OTUD7A: variants seen among roughly 807,000 people sequenced by gnomAD.
The protein encoded by OTUD7A is OTU deubiquitinase 7A, also known as OTU domain-containing protein 7A.
In OTUD7A, 12 loss-of-function variants were observed where a neutral mutation model predicts 65.7. That is an observed-to-expected ratio of 0.18 (90% CI 0.12 to 0.30). The LOEUF (loss-of-function observed/expected upper bound fraction) is 0.30, where lower values mean the gene tolerates loss of function less well. Ranked by LOEUF, OTUD7A falls within the 10% of genes least tolerant of loss-of-function variation. The probability of loss-of-function intolerance (pLI) is 1.00; values close to 1 mark genes in which losing one functional copy is unlikely to be tolerated. For synonymous variants in OTUD7A, 641 were observed against 586.3 expected (o/e 1.09, Z -1.35); for missense variants, 1,148 against 1,304.8 (o/e 0.88, Z 1.85).
intron 1 of OTUD7A, among the ~76,000 whole-genome samples, chr15:31,704,707 A>G (rs995843124): frequency 5.9e-5 from 9 of 152,110 alleles, no homozygotes; most frequent in African/African-American, 1.7e-4. Context: ...AAGAAAATGA[A>G]GTCAGACCCT....
chr15:31,802,268 G>A (rs1896153750), intron 1 of OTUD7A, among the ~76,000 whole-genome samples: 1 of 151,982 alleles, frequency 6.6e-6, no homozygotes, highest in Admixed American at 6.6e-5. Flanking sequence ...GAAGAACTTG[G>A]GAGTCCAGTG....
At chr15:31,811,842 C>T (rs1007587408) in intron 1 of OTUD7A, among the ~76,000 whole-genome samples, 2 of 152,218 alleles carry the variant, frequency 1.3e-5, no homozygotes, top group African/African-American at 4.8e-5. Context: ...GGGCAACCTG[C>T]TTTTTCCTAT....
intron 1 of OTUD7A, among the ~76,000 whole-genome samples, chr15:31,803,310 TA>T (rs992997920): frequency 2.5e-4 from 38 of 152,090 alleles, no homozygotes; most frequent in East Asian, 3.9e-4. Context: ...TCAACAACCT[TA>T]AAAAAAAGTT....
intron 1 of OTUD7A, among the ~76,000 whole-genome samples, chr15:31,729,265 T>C (rs762671959): frequency 6.6e-6 from 1 of 152,196 alleles, no homozygotes; most frequent in African/African-American, 2.4e-5. Flanking sequence ...GGTTACTGTA[T>C]CTGTTTATTG....
chr15:31,649,431 T>C (rs1289547593), intron 3 of OTUD7A, among the ~76,000 whole-genome samples: 1 of 152,134 alleles, frequency 6.6e-6, no homozygotes. Flanking sequence ...TAAATAAAAA[T>C]ACAAGAAGTT....
At chr15:31,525,181 C>T (rs1024704585) in intron 8 of OTUD7A, among the ~76,000 whole-genome samples, 1 of 152,194 alleles carries the variant, frequency 6.6e-6, no homozygotes, top group African/African-American at 2.4e-5. Context: ...ACTGTGAAAA[C>T]GATGTCGAGG....
At chr15:31,763,088 G>C (rs1444673630) in intron 1 of OTUD7A, among the ~76,000 whole-genome samples, 1 of 152,116 alleles carries the variant, frequency 6.6e-6, no homozygotes, top group Non-Finnish European at 1.5e-5. Flanking sequence ...TTCAAGACCA[G>C]GTTGGCCAAC....
chr15:31,716,008 A>T lies in OTUD7A; in HGVS notation c.-99-58931T>A, dbSNP rs910168040. On this transcript the variant is annotated intron_variant, in intron 1 of 12. Transcript: ENST00000307050. ...TCATGCTGGTTTGTAAGGAAGTTAG[A>T]TAGTTATAAAAACTATAAAAACGAA... Among the ~76,000 whole-genome samples, 8 of 64,168 alleles carry T rather than the reference A, an allele frequency of 1.2e-4. 1 individual carries two copies. The highest frequency in any genetic ancestry group is 3.0e-4 in the African/African-American group (8 of 26,950). 42.1% of individuals were successfully genotyped at this position (64,168 alleles called of 152,430 possible).
intron 3 of OTUD7A, among the ~76,000 whole-genome samples, chr15:31,627,049 G>A (rs1157961301): frequency 6.6e-6 from 1 of 151,948 alleles, no homozygotes; most frequent in Non-Finnish European, 1.5e-5. Flanking sequence ...GATTGATCAG[G>A]CTGGTAGTTG....
chr15:31,632,456 A>G (rs1049958584), intron 3 of OTUD7A, among the ~76,000 whole-genome samples: 3 of 152,212 alleles, frequency 2.0e-5, no homozygotes, highest in African/African-American at 7.2e-5. Context: ...TGAACCACAG[A>G]TGCTGCTGCC....
At chr15:31,628,443 T>A (rs113626593) in intron 3 of OTUD7A, among the ~76,000 whole-genome samples, 4,796 of 152,290 alleles carry the variant, frequency 0.031, 248 homozygotes, top group African/African-American at 0.11. Flanking sequence ...TTCTGTTCCA[T>A]TGATCTATAT....
At chr15:31,513,931 C>T (rs2041801360) in intron 8 of OTUD7A, among the ~76,000 whole-genome samples, 1 of 152,064 alleles carries the variant, frequency 6.6e-6, no homozygotes, top group South Asian at 2.1e-4. Context: ...GGTTATAATC[C>T]ATTAGTGTGA....
chr15:31,687,342 C>CAGAA (rs1284151928), intron 1 of OTUD7A, among the ~76,000 whole-genome samples: 8 of 152,188 alleles, frequency 5.3e-5, no homozygotes, highest in Non-Finnish European at 1.0e-4. Context: ...TGCAGGGACA[C>CAGAA]AGAGCGTGGG....
At chr15:31,864,851 C>T (rs1897838137) in intron 1 of OTUD7A, among the ~76,000 whole-genome samples, 1 of 152,086 alleles carries the variant, frequency 6.6e-6, no homozygotes, top group Admixed American at 6.5e-5. Context: ...ACTATGACTA[C>T]ATCAACTGTC....
rs559534867 is a variant in OTUD7A, at chr15:31,645,786, T to C, written c.151+9310A>G. ...TCTACAGCACAGGTTGGCAAACTACTGCCCATAGGCTGGCTGGCTGCCTGT... is the reference window on the plus strand; with the variant it reads ...TCTACAGCACAGGTTGGCAAACTACCGCCCATAGGCTGGCTGGCTGCCTGT... On this transcript the variant is annotated intron_variant, in intron 3 of 12. Transcript: ENST00000307050. Among the ~76,000 whole-genome samples, 59 of 152,358 alleles carry C rather than the reference T, an allele frequency of 3.9e-4. No homozygotes were observed. In the South Asian group the frequency reaches 0.012, roughly 30 times the overall value.
chr15:31,532,952 A>G (rs111649246), intron 5 of OTUD7A, among the ~76,000 whole-genome samples: 8,486 of 150,688 alleles, frequency 0.056, 342 homozygotes, highest in Middle Eastern at 0.099. Flanking sequence ...AAAAAAAAAA[A>G]AAGTGTTCAA....
At chr15:31,831,662 C>T (rs769700343) in intron 1 of OTUD7A, among the ~76,000 whole-genome samples, 3 of 152,196 alleles carry the variant, frequency 2.0e-5, no homozygotes, top group South Asian at 2.1e-4. Flanking sequence ...CTAAAGAATC[C>T]GTTCACAGAA....
intron 1 of OTUD7A, among the ~76,000 whole-genome samples, chr15:31,784,626 A>G (rs1415325724): frequency 2.0e-5 from 3 of 152,174 alleles, no homozygotes; most frequent in Non-Finnish European, 2.9e-5. Flanking sequence ...AAAGCTCTTT[A>G]GGCACCACGA....
intron 1 of OTUD7A, among the ~76,000 whole-genome samples, chr15:31,688,562 C>T (rs1458222279): frequency 2.0e-5 from 3 of 151,990 alleles, no homozygotes; most frequent in Non-Finnish European, 2.9e-5. Context: ...ATTTGGGGGA[C>T]AATCAGGGGT....
Sources: gnomAD v4.1 joint callset for allele counts (sites outside exome capture counted in the v4.1 genomes callset) on GRCh38, gnomAD v4.1.1 for gene constraint, MANE v1.5 for transcripts, NCBI Gene and HGNC (gene_info 2026-07-23, HGNC 2026-07-21) for gene names.